CNTNAP5: variants seen among roughly 807,000 people sequenced by gnomAD.
CNTNAP5 encodes the protein contactin-associated protein-like 5.
Under a neutral mutation model 150.2 loss-of-function variants are expected in CNTNAP5, and 72 were observed. The ratio of observed to expected loss-of-function variants is 0.48; its 90% CI spans 0.40 to 0.58. The LOEUF (loss-of-function observed/expected upper bound fraction) is 0.58. CNTNAP5 is among the 20% of genes least tolerant of loss of function. The pLI is 0.00. For missense variants in CNTNAP5, 1,636 were observed against 1,626.2 expected, an observed-to-expected ratio of 1.01 and a Z score of -0.10; for synonymous variants, 672 against 619.8, an observed-to-expected ratio of 1.08 and a Z score of -1.25.
chr2:124,358,925 A>G (rs1305754007), intron 3 of CNTNAP5, among the ~76,000 whole-genome samples: 1 of 149,124 alleles, frequency 6.7e-6, no homozygotes, highest in Non-Finnish European at 1.5e-5. Flanking sequence ...CTGTGAATCC[A>G]TCTGGTCCTG....
intron 13 of CNTNAP5, among the ~76,000 whole-genome samples, chr2:124,697,462 C>A (rs1211194706): frequency 6.6e-6 from 1 of 152,058 alleles, no homozygotes; most frequent in South Asian, 2.1e-4. Flanking sequence ...GTAGAATGAT[C>A]CCCTCATTTT....
At chr2:124,094,933 G>A (rs1286824634) in intron 1 of CNTNAP5, among the ~76,000 whole-genome samples, 3 of 152,190 alleles carry the variant, frequency 2.0e-5, no homozygotes, top group East Asian at 3.9e-4. Context: ...AATCCACCAT[G>A]GTGGGCACTG....
chr2:124,897,972 TGTGTG>T (rs1171037132), intron 21 of CNTNAP5, among the ~76,000 whole-genome samples: 1 of 150,180 alleles, frequency 6.7e-6, no homozygotes, highest in African/African-American at 2.5e-5. Flanking sequence ...TGTGTGTGTG[TGTGTG>T]TATGTGTGTG....
intron 3 of CNTNAP5, among the ~76,000 whole-genome samples, chr2:124,288,128 C>T (rs938212946): frequency 4.6e-5 from 7 of 152,116 alleles, no homozygotes; most frequent in Admixed American, 2.6e-4. Flanking sequence ...CAAGGACTCA[C>T]CATGTTTCCC....
intron 19 of CNTNAP5, among the ~76,000 whole-genome samples, chr2:124,814,750 C>T (rs1269867742): frequency 6.6e-6 from 1 of 152,044 alleles, no homozygotes; most frequent in Non-Finnish European, 1.5e-5. Flanking sequence ...GAGAGTAAAA[C>T]TTAAAAAAGT....
At chr2:124,865,622 T>C (rs1351847880) in intron 20 of CNTNAP5, among the ~76,000 whole-genome samples, 186 bp downstream of exon 20, 1 of 152,182 alleles carries the variant, frequency 6.6e-6, no homozygotes, top group Non-Finnish European at 1.5e-5. Context: ...GTCCCACCAG[T>C]ATCAGCATCA....
intron 3 of CNTNAP5, among the ~76,000 whole-genome samples, chr2:124,388,152 T>A (rs1198435888): frequency 6.6e-6 from 1 of 152,168 alleles, no homozygotes; most frequent in East Asian, 1.9e-4. Context: ...TGCTTTCAGA[T>A]GAACATTTGT....
intron 11 of CNTNAP5, among the ~76,000 whole-genome samples, chr2:124,580,818 T>C (rs1164635407): frequency 1.3e-5 from 2 of 152,212 alleles, no homozygotes; most frequent in Admixed American, 6.5e-5. Context: ...TGCATGACAG[T>C]ACTTGATTCT....
At chr2:124,603,258 G>A (rs1419021334) in intron 11 of CNTNAP5, among the ~76,000 whole-genome samples, 1 of 152,178 alleles carries the variant, frequency 6.6e-6, no homozygotes, top group African/African-American at 2.4e-5. Context: ...GTGTGGCTGG[G>A]CATGTGGGCC....
chr2:124,629,554 C>G (rs1573508517), intron 12 of CNTNAP5, among the ~76,000 whole-genome samples: 1 of 151,998 alleles, frequency 6.6e-6, no homozygotes, highest in Non-Finnish European at 1.5e-5. Flanking sequence ...TGGGACACAG[C>G]TAAAGCAGTA....
At chr2:124,049,817 C>T (rs964575096) in intron 1 of CNTNAP5, among the ~76,000 whole-genome samples, 1 of 152,182 alleles carries the variant, frequency 6.6e-6, no homozygotes, top group Non-Finnish European at 1.5e-5. Flanking sequence ...CCTGGAGAAT[C>T]CTAATCAAAC....
intron 11 of CNTNAP5, among the ~76,000 whole-genome samples, chr2:124,601,439 T>G (rs1696981126): frequency 6.6e-6 from 1 of 152,192 alleles, no homozygotes; most frequent in Non-Finnish European, 1.5e-5. Context: ...AAGTAGTATT[T>G]CAGGGACCAC....
At chr2:124,423,159 T>A (rs956660557) in intron 4 of CNTNAP5, among the ~76,000 whole-genome samples, 2 of 152,206 alleles carry the variant, frequency 1.3e-5, no homozygotes, top group Non-Finnish European at 2.9e-5. Flanking sequence ...GGGTCCTCTG[T>A]GGACACCAGT....
intron 21 of CNTNAP5, among the ~76,000 whole-genome samples, chr2:124,870,661 A>G (rs764151467): frequency 1.3e-5 from 2 of 152,122 alleles, no homozygotes; most frequent in Non-Finnish European, 2.9e-5. Flanking sequence ...TTAATAACTC[A>G]ATGCATGGTA....
chr2:124,291,451 T>C (rs562446191), intron 3 of CNTNAP5, among the ~76,000 whole-genome samples: 47 of 151,030 alleles, frequency 3.1e-4, no homozygotes, highest in African/African-American at 1.1e-3. Flanking sequence ...ATTATTTTTA[T>C]CTATTTAGAA....
chr2:124,660,694 A>G (rs776673228), intron 13 of CNTNAP5, among the ~76,000 whole-genome samples: 3 of 152,092 alleles, frequency 2.0e-5, no homozygotes, highest in Admixed American at 2.0e-4. Context: ...GCTGTACTGA[A>G]TACTGTAGGC....
At chr2:124,277,673 C>T (rs1174819984) in intron 3 of CNTNAP5, among the ~76,000 whole-genome samples, 1 of 152,034 alleles carries the variant, frequency 6.6e-6, no homozygotes, top group African/African-American at 2.4e-5. Flanking sequence ...CTGTCAATTA[C>T]CTTAGCACAT....
At chr2:124,446,097 T>A (rs1692808508) in intron 5 of CNTNAP5, among the ~76,000 whole-genome samples, 1 of 151,998 alleles carries the variant, frequency 6.6e-6, no homozygotes, top group South Asian at 2.1e-4. Flanking sequence ...ATAGCTGTGG[T>A]CAAAGTAAAA....
At chr2:124,179,909 A>G (rs1406319753) in intron 1 of CNTNAP5, among the ~76,000 whole-genome samples, 2 of 152,174 alleles carry the variant, frequency 1.3e-5, no homozygotes, top group African/African-American at 4.8e-5. Context: ...CTATTTCAGG[A>G]GACACGTTTT....
Sources: gnomAD v4.1 joint callset for allele counts (sites outside exome capture counted in the v4.1 genomes callset) on GRCh38, gnomAD v4.1.1 for gene constraint, MANE v1.5 for transcripts, NCBI Gene and HGNC (gene_info 2026-07-23, HGNC 2026-07-21) for gene names.